The following METTL15 variants were observed in gnomAD, a reference collection of about 807,000 sequenced individuals.
The protein encoded by METTL15 is 12S rRNA N(4)-cytidine methyltransferase METTL15.
Under a neutral mutation model 38.3 loss-of-function variants are expected in METTL15, and 34 were observed. The observed-to-expected ratio is 0.89, with a 90% confidence interval of 0.68 to 1.18. The LOEUF (loss-of-function observed/expected upper bound fraction) is 1.18, where lower values mean the gene tolerates loss of function less well. Among genes scored for constraint, METTL15 ranks in the 50% most tolerant of loss-of-function variants. The pLI, the probability that METTL15 is intolerant of heterozygous loss-of-function variation, is 0.00. For missense variants in METTL15, 438 were observed against 498.4 expected (o/e 0.88, Z 1.15); for synonymous variants, 162 against 170.9 (o/e 0.95, Z 0.41).
intron 6 of METTL15, among the ~76,000 whole-genome samples, chr11:28,520,814 G>A (rs1421088626): frequency 1.3e-5 from 2 of 152,204 alleles, no homozygotes; most frequent in Non-Finnish European, 2.9e-5. Context: ...GTAAATTTGG[G>A]TGGTGATATC....
chr11:28,388,361 G>C (rs1001477031), intron 5 of METTL15, among the ~76,000 whole-genome samples: 1 of 151,980 alleles, frequency 6.6e-6, no homozygotes, highest in Non-Finnish European at 1.5e-5. Context: ...ATGGATTCAA[G>C]AAAGTTGCAT....
At chr11:28,449,708 C>T (rs1851103942) in intron 6 of METTL15, among the ~76,000 whole-genome samples, 1 of 152,118 alleles carries the variant, frequency 6.6e-6, no homozygotes, top group African/African-American at 2.4e-5. Flanking sequence ...AGACATAGCT[C>T]TTAAGTGACC....
chr11:28,320,587 G>C (rs569899868), intron 6 of METTL15, among the ~76,000 whole-genome samples: 9 of 152,088 alleles, frequency 5.9e-5, no homozygotes, highest in African/African-American at 2.2e-4. Context: ...TACCTGTGCA[G>C]AAAGGTGCTC....
intron 6 of METTL15, among the ~76,000 whole-genome samples, chr11:28,502,698 T>C (rs1484903805): frequency 6.6e-6 from 1 of 152,162 alleles, no homozygotes; most frequent in East Asian, 1.9e-4. Context: ...ATAATTTTTT[T>C]CCCTTTTCTC....
intron 6 of METTL15, among the ~76,000 whole-genome samples, chr11:28,466,257 G>C (rs772032592): frequency 6.6e-6 from 1 of 152,176 alleles, no homozygotes; most frequent in Non-Finnish European, 1.5e-5. Context: ...ATAGATTGAC[G>C]AACGGCCAAA....
chr11:28,172,864 G>A (rs1290369407), intron 3 of METTL15, among the ~76,000 whole-genome samples: 2 of 152,164 alleles, frequency 1.3e-5, no homozygotes, highest in Non-Finnish European at 2.9e-5. Context: ...AGTATGGAGA[G>A]CTTAGAAGAA....
chr11:28,290,089 A>AAT, intron 4 of METTL15, 117 bp from the exon 5 acceptor site: 1 of 866,586 alleles, frequency 1.2e-6, no homozygotes, highest in Non-Finnish European at 1.7e-6. Flanking sequence ...GCACTCAATA[A>AAT]ATATATATCG....
At chr11:28,138,201 C>T (rs1160596077) in intron 3 of METTL15, among the ~76,000 whole-genome samples, 1 of 151,944 alleles carries the variant, frequency 6.6e-6, no homozygotes, top group Non-Finnish European at 1.5e-5. Flanking sequence ...ATCTTAGGGC[C>T]TCTCATGTGT....
chr11:28,226,555 AT>A, intron 4 of METTL15, among the ~76,000 whole-genome samples: 1 of 151,762 alleles, frequency 6.6e-6, no homozygotes, highest in Non-Finnish European at 1.5e-5. Context: ...CCTTCTCTTT[AT>A]TTTAAGCTGC....
intron 3 of METTL15, among the ~76,000 whole-genome samples, chr11:28,198,895 C>T (rs1852003684): frequency 6.6e-6 from 1 of 151,968 alleles, no homozygotes; most frequent in Non-Finnish European, 1.5e-5. Context: ...GTAATATAGT[C>T]TTGAGTGATT....
intron 5 of METTL15, among the ~76,000 whole-genome samples, chr11:28,400,898 G>A (rs914163917): frequency 6.6e-6 from 1 of 151,968 alleles, no homozygotes; most frequent in Non-Finnish European, 1.5e-5. Context: ...ACACTGAAGA[G>A]CAGTGACTTA....
intron 3 of METTL15, among the ~76,000 whole-genome samples, chr11:28,207,499 G>C (rs535329420): frequency 6.6e-6 from 1 of 152,232 alleles, no homozygotes; most frequent in East Asian, 1.9e-4. Flanking sequence ...TGTGCTGCTG[G>C]ATTGGGCTTG....
chr11:28,361,810 C>T (rs543671334), intron 4 of METTL15: 223 of 152,260 alleles, frequency 1.5e-3, no homozygotes, highest in African/African-American at 5.2e-3. Context: ...CACAGGACTC[C>T]TCTAATGAGT....
exon 6 of METTL15, chr11:28,424,315 G>A (rs901220436): frequency 3.3e-5 from 5 of 151,884 alleles, no homozygotes; most frequent in East Asian, 1.9e-4. Context: ...CATGTTCTTC[G>A]GAAAAAGATC....
intron 4 of METTL15, among the ~76,000 whole-genome samples, chr11:28,213,318 T>G (rs918594229): frequency 2.0e-5 from 3 of 151,840 alleles, no homozygotes; most frequent in Non-Finnish European, 4.4e-5. Context: ...GATAAAGAGA[T>G]CACAAGAGAT....
At chr11:28,236,120 C>T (rs1024844281) in intron 4 of METTL15, among the ~76,000 whole-genome samples, 82 of 151,864 alleles carry the variant, frequency 5.4e-4, no homozygotes, top group Non-Finnish European at 8.4e-4. Flanking sequence ...TATTGATTTG[C>T]GTATATTGAA....
At chr11:28,351,121 T>TAA (rs1850038154) in intron 3 of METTL15, among the ~76,000 whole-genome samples, 1 of 150,740 alleles carries the variant, frequency 6.6e-6, no homozygotes, top group Non-Finnish European at 1.5e-5. Flanking sequence ...AAAAAAAATT[T>TAA]TTTTTTTTTA....
intron 3 of METTL15, among the ~76,000 whole-genome samples, chr11:28,196,001 G>A (rs1405847341): frequency 6.6e-6 from 1 of 151,980 alleles, no homozygotes; most frequent in Non-Finnish European, 1.5e-5. Flanking sequence ...TTGAAGATCA[G>A]TTGGTTGTTA....
At chr11:28,247,626 T>A (rs1020910782) in intron 4 of METTL15, among the ~76,000 whole-genome samples, 4 of 152,102 alleles carry the variant, frequency 2.6e-5, no homozygotes, top group Admixed American at 6.6e-5. Context: ...GATTGATCGG[T>A]AATTTAAACT....
Sources: gnomAD v4.1 joint callset for allele counts (sites outside exome capture counted in the v4.1 genomes callset) on GRCh38, gnomAD v4.1.1 for gene constraint, MANE v1.5 for transcripts, NCBI Gene and HGNC (gene_info 2026-07-23, HGNC 2026-07-21) for gene names.